The following PIK3C2G variants were observed in gnomAD, a reference collection of about 807,000 sequenced individuals.
The protein encoded by PIK3C2G is phosphatidylinositol 3-kinase C2 domain-containing subunit gamma.
PIK3C2G carries 168 observed loss-of-function variants against 181.1 expected under a neutral mutation model. The observed-to-expected ratio is 0.93, with a 90% CI of 0.82 to 1.05. The LOEUF (loss-of-function observed/expected upper bound fraction) is 1.05. PIK3C2G is among the 50% of genes least tolerant of loss of function. The pLI is 0.00. For synonymous variants in PIK3C2G, 573 were observed against 592.2 expected, an observed-to-expected ratio of 0.97 and a Z score of 0.47; for missense variants, 1,869 against 1,732.8, an observed-to-expected ratio of 1.08 and a Z score of -1.40.
chr12:18,530,004 T>C (rs1036089370), intron 24 of PIK3C2G, among the ~76,000 whole-genome samples: 2 of 152,144 alleles, frequency 1.3e-5, no homozygotes, highest in African/African-American at 4.8e-5. Flanking sequence ...AGAGCAAACA[T>C]GTCACTAGTT....
chr12:18,591,497 T>A (rs943746285), intron 29 of PIK3C2G, among the ~76,000 whole-genome samples: 3 of 151,674 alleles, frequency 2.0e-5, no homozygotes, highest in Admixed American at 6.6e-5. Context: ...AATGGGTGGA[T>A]AGGGGCAGAA....
the PIK3C2G span, chr12:18,723,488 A>G: frequency 6.2e-7 from 1 of 1,612,906 alleles, no homozygotes; most frequent in South Asian, 1.1e-5. Context: ...ATAATTCGAT[A>G]AATTGCTCTA....
intron 29 of PIK3C2G, among the ~76,000 whole-genome samples, chr12:18,575,203 A>G (rs936244300): frequency 1.3e-5 from 2 of 152,158 alleles, no homozygotes; most frequent in Non-Finnish European, 2.9e-5. Flanking sequence ...AGCAGTTACT[A>G]AGAAAACAAG....
chr12:18,615,867 G>C (rs1309931147), intron 31 of PIK3C2G, among the ~76,000 whole-genome samples: 1 of 151,928 alleles, frequency 6.6e-6, no homozygotes, highest in African/African-American at 2.4e-5. Context: ...TTTTAACAGA[G>C]TCTCTGTAAA....
intron 16 of PIK3C2G, among the ~76,000 whole-genome samples, chr12:18,403,016 A>G (rs746257949): frequency 6.6e-6 from 1 of 152,184 alleles, no homozygotes; most frequent in African/African-American, 2.4e-5. Context: ...AAATCCAGGC[A>G]TTCATGAGAG....
intron 1 of PIK3C2G, among the ~76,000 whole-genome samples, chr12:18,277,668 A>G (rs955101760): frequency 6.6e-6 from 1 of 152,172 alleles, no homozygotes; most frequent in Non-Finnish European, 1.5e-5. Context: ...AAGAACAAAC[A>G]TTCTCAGAAA....
intron 1 of PIK3C2G, among the ~76,000 whole-genome samples, chr12:18,255,248 T>A (rs146188281): frequency 7.4e-6 from 1 of 135,698 alleles, no homozygotes; most frequent in Non-Finnish European, 1.6e-5. Flanking sequence ...AATAAATAAA[T>A]AAATAAACAA....
At chr12:18,568,384 TTGTGTGTG>T (rs56936466) in intron 29 of PIK3C2G, among the ~76,000 whole-genome samples, 3 of 145,828 alleles carry the variant, frequency 2.1e-5, no homozygotes, top group Admixed American at 6.9e-5. Context: ...ACCAACAAAA[TTGTGTGTG>T]TGTGTGTGTG....
At chr12:18,352,652 G>A (rs529021410) in intron 11 of PIK3C2G, among the ~76,000 whole-genome samples, 18 of 152,326 alleles carry the variant, frequency 1.2e-4, no homozygotes, top group South Asian at 2.1e-4. Flanking sequence ...GAAGAATCAG[G>A]TCACATGAAC....
At chr12:18,719,598 A>C in the PIK3C2G span, 1 of 1,605,436 alleles carries the variant, frequency 6.2e-7, no homozygotes, top group Non-Finnish European at 8.5e-7. Context: ...TGTATCTTGT[A>C]AAACCTTCTA....
At chr12:18,567,535 T>G (rs919936129) in intron 29 of PIK3C2G, among the ~76,000 whole-genome samples, 2 of 151,984 alleles carry the variant, frequency 1.3e-5, no homozygotes, top group Non-Finnish European at 2.9e-5. Flanking sequence ...TTCAAATAAC[T>G]TCAATGAAAT....
chr12:18,639,725 G>A (rs976779805), intron 31 of PIK3C2G, among the ~76,000 whole-genome samples: 41 of 152,236 alleles, frequency 2.7e-4, no homozygotes, highest in African/African-American at 9.1e-4. Context: ...CCAGGAAGGG[G>A]AGCTGAGGAG....
At chr12:18,584,754 G>C (rs868521510) in intron 29 of PIK3C2G, among the ~76,000 whole-genome samples, 1 of 152,010 alleles carries the variant, frequency 6.6e-6, no homozygotes, top group African/African-American at 2.4e-5. Context: ...GATTTTCCAA[G>C]ATTGAAATGA....
chr12:18,620,005 T>C (rs1948777982), intron 31 of PIK3C2G, among the ~76,000 whole-genome samples: 1 of 152,160 alleles, frequency 6.6e-6, no homozygotes, highest in African/African-American at 2.4e-5. Context: ...ATTACAGGCA[T>C]GAGCCACCGC....
chr12:18,501,033 C>CGAA (rs1941435624), intron 22 of PIK3C2G, among the ~76,000 whole-genome samples: 2 of 151,976 alleles, frequency 1.3e-5, no homozygotes, highest in African/African-American at 4.8e-5. Flanking sequence ...ACGAACCCAC[C>CGAA]AGAAGGAAGA....
the PIK3C2G span, chr12:18,694,040 T>C: frequency 2.1e-6 from 3 of 1,421,064 alleles, no homozygotes; most frequent in South Asian, 1.2e-5. Flanking sequence ...CTTCAAAAAA[T>C]CTAAAGAAAA....
chr12:18,305,853 AC>A (rs1369514591), intron 5 of PIK3C2G, among the ~76,000 whole-genome samples: 4 of 151,678 alleles, frequency 2.6e-5, no homozygotes, highest in African/African-American at 9.7e-5. Flanking sequence ...CACATACCAT[AC>A]CCCCCACAAA....
chr12:18,303,520 A>G (rs569415642), intron 5 of PIK3C2G, among the ~76,000 whole-genome samples: 55 of 151,990 alleles, frequency 3.6e-4, no homozygotes, highest in Admixed American at 6.6e-4. Context: ...TTTTTAGTGG[A>G]GACAGGTCTT....
intron 24 of PIK3C2G, among the ~76,000 whole-genome samples, chr12:18,511,976 T>C (rs1942241033): frequency 6.6e-6 from 1 of 152,046 alleles, no homozygotes; most frequent in Admixed American, 6.6e-5. Context: ...TTTCTCCATT[T>C]TGAGCTATTT....
Sources: allele counts gnomAD v4.1 joint callset (sites outside exome capture counted in the v4.1 genomes callset), GRCh38; gene constraint gnomAD v4.1.1; transcripts MANE v1.5; gene names NCBI Gene and HGNC (gene_info 2026-07-23, HGNC 2026-07-21).